Variants in SUPT3H observed in about 807,000 individuals in gnomAD.
The protein encoded by SUPT3H is SPT3 homolog, SAGA and STAGA complex component.
SUPT3H carries 44 observed loss-of-function variants against 44.3 expected under a neutral mutation model. The observed-to-expected ratio is 0.99, with a 90% CI of 0.78 to 1.28. The LOEUF (loss-of-function observed/expected upper bound fraction) is 1.28. Ranked by LOEUF, SUPT3H falls within the 50% of genes most tolerant of loss-of-function variation. SUPT3H has a pLI of 0.00. For missense variants in SUPT3H, 380 were observed against 387.1 expected (o/e 0.98, Z 0.15); for synonymous variants, 124 against 125.6 (o/e 0.99, Z 0.09).
chr6:45,280,534 A>G (rs947370508), intron 2 of SUPT3H, among the ~76,000 whole-genome samples: 1 of 152,142 alleles, frequency 6.6e-6, no homozygotes, highest in Non-Finnish European at 1.5e-5. Flanking sequence ...ATAGATACAG[A>G]ACCACATTTT....
At chr6:45,157,519 C>G (rs1021058145) in intron 2 of SUPT3H, among the ~76,000 whole-genome samples, 1 of 151,126 alleles carries the variant, frequency 6.6e-6, no homozygotes, top group Non-Finnish European at 1.5e-5. Context: ...ATATATGATG[C>G]CTATGTTTTA....
At chr6:44,880,734 C>G (rs1263129038) in intron 10 of SUPT3H, among the ~76,000 whole-genome samples, 1 of 152,152 alleles carries the variant, frequency 6.6e-6, no homozygotes, top group Non-Finnish European at 1.5e-5. Context: ...GATCTCTCTG[C>G]AGAAACCCTA....
chr6:45,351,011 G>A (rs1048644895), intron 2 of SUPT3H, among the ~76,000 whole-genome samples: 25 of 152,036 alleles, frequency 1.6e-4, no homozygotes, highest in African/African-American at 6.0e-4. Context: ...TCTAAGTTCT[G>A]CGCTCCTTAT....
chr6:45,041,479 G>T (rs562505641), intron 3 of SUPT3H, among the ~76,000 whole-genome samples: 2 of 152,288 alleles, frequency 1.3e-5, no homozygotes, highest in Non-Finnish European at 2.9e-5. Context: ...TGACAATGGT[G>T]AAAGAGAAAT....
At chr6:44,937,795 G>C (rs145286019) in intron 9 of SUPT3H, among the ~76,000 whole-genome samples, 2,697 of 149,852 alleles carry the variant, frequency 0.018, 52 homozygotes, top group South Asian at 0.092. Context: ...TTTTGTTGTT[G>C]TTGTTTAGCT....
At chr6:45,212,701 G>T (rs1764331404) in intron 2 of SUPT3H, among the ~76,000 whole-genome samples, 1 of 151,928 alleles carries the variant, frequency 6.6e-6, no homozygotes, top group Non-Finnish European at 1.5e-5. Flanking sequence ...CTGTCTTCAG[G>T]GCTGACAATT....
Position 45,349,492 on chromosome 6 carries a change from T to C in SUPT3H, c.101+15709A>G, listed in dbSNP as rs78162301. ...AACATCAACATCACCTGGGAATTTATTTGAAAGGCAAATTGCTGAGTTCAC... is the reference window on the plus strand; with the variant it reads ...AACATCAACATCACCTGGGAATTTACTTGAAAGGCAAATTGCTGAGTTCAC... On this transcript the variant is annotated intron_variant, in intron 2 of 10. Coordinates refer to ENST00000371459, the MANE Select transcript of SUPT3H (RefSeq NM_003599.4). Among the ~76,000 whole-genome samples, 4 of 152,320 alleles carry C rather than the reference T, an allele frequency of 2.6e-5. No homozygotes were observed. In the East Asian group the frequency reaches 7.7e-4, roughly 29 times the overall value.
At chr6:44,968,356 T>C (rs1033772197) in intron 6 of SUPT3H, among the ~76,000 whole-genome samples, 1 of 152,162 alleles carries the variant, frequency 6.6e-6, no homozygotes, top group Non-Finnish European at 1.5e-5. Context: ...TGCAGAAGGA[T>C]AATATTAACA....
intron 2 of SUPT3H, among the ~76,000 whole-genome samples, chr6:45,288,595 ATGTGTATATATATATATG>A (rs1562882938): frequency 0.011 from 669 of 63,202 alleles, 31 homozygotes; most frequent in African/African-American, 0.023. Context: ...ATATATATAT[ATGTGTATATATATATATG>A]TATATATATA....
intron 6 of SUPT3H, among the ~76,000 whole-genome samples, chr6:44,972,231 A>C (rs1170150282): frequency 6.6e-6 from 1 of 152,178 alleles, no homozygotes; most frequent in Non-Finnish European, 1.5e-5. Flanking sequence ...GCATTGGGTA[A>C]ACATACCCAT....
At chr6:44,925,479 C>T (rs1769378256) in intron 10 of SUPT3H, among the ~76,000 whole-genome samples, 2 of 152,174 alleles carry the variant, frequency 1.3e-5, no homozygotes, top group African/African-American at 4.8e-5. Context: ...CTGTGAATAT[C>T]AGGAGAAACT....
chr6:45,307,145 G>T (rs554332823), intron 2 of SUPT3H, among the ~76,000 whole-genome samples: 1 of 152,206 alleles, frequency 6.6e-6, no homozygotes, highest in South Asian at 2.1e-4. Context: ...TGGAGCCCAC[G>T]GCAGCTCAAG....
intron 10 of SUPT3H, among the ~76,000 whole-genome samples, chr6:44,886,432 C>T (rs28890489): frequency 3.0e-4 from 45 of 152,144 alleles, no homozygotes; most frequent in Non-Finnish European, 6.2e-4. Flanking sequence ...CCAGAAACTC[C>T]ACAAGCCAGA....
chr6:45,306,279 G>A (rs899586683), intron 2 of SUPT3H, among the ~76,000 whole-genome samples: 2 of 152,150 alleles, frequency 1.3e-5, no homozygotes, highest in Non-Finnish European at 2.9e-5. Flanking sequence ...TCCCTGTTAG[G>A]AGTAAAAGAG....
At chr6:44,870,802 G>T (rs565040162) in intron 10 of SUPT3H, among the ~76,000 whole-genome samples, 1 of 150,974 alleles carries the variant, frequency 6.6e-6, no homozygotes, top group African/African-American at 2.4e-5. Flanking sequence ...CACCCTGCGC[G>T]AGCTGAAGCA....
chr6:45,277,463 G>T (rs1171670579), intron 2 of SUPT3H, among the ~76,000 whole-genome samples: 1 of 152,048 alleles, frequency 6.6e-6, no homozygotes, highest in Non-Finnish European at 1.5e-5. Flanking sequence ...ACAATCAGTG[G>T]GATGGATACA....
chr6:45,077,625 T>TTAAAAAAAAAA lies in SUPT3H; in HGVS notation c.186+28296_186+28297insTTTTTTTTTTA, dbSNP rs1795172893. Among the ~76,000 whole-genome samples, 2 of 1,124 alleles carry TTAAAAAAAAAA rather than the reference T, an allele frequency of 1.8e-3. 1 individual carries two copies. Among genetic ancestry groups the TTAAAAAAAAAA allele is most frequent in the Non-Finnish European group, 3.3e-3 (2 of 604 alleles). The allele number at this position is 1,124 out of a possible 152,430, so 0.7% of individuals were successfully genotyped here. A position where few individuals can be genotyped will look rare whatever the true frequency, so the allele number is the denominator to read the frequency against. ...CTAGGTGACAGAGTGAGACCTTGTT[T>TTAAAAAAAAAA]CAAAAAAAAAAAAAAAAGAAAAGAA... On this transcript the variant is annotated intron_variant, in intron 3 of 10. Transcript: ENST00000371459.
rs141335840 is a variant in SUPT3H, at chr6:45,172,593, ATTTT to A, written c.102-66591_102-66588del. Among the ~76,000 whole-genome samples the A allele has an allele frequency of 2.2e-3, 324 of 145,976 alleles. 2 individuals carry two copies. Among genetic ancestry groups the A allele is most frequent in the African/African-American group, 4.4e-3 (175 of 39,544 alleles). ...AAAATAAATCCTTAAAGATAGATAT[ATTTT>A]TTTTTTTTTTTTTGAAATGGAGTCT... On this transcript the variant is annotated intron_variant, in intron 2 of 10. Coordinates refer to ENST00000371459, the MANE Select transcript of SUPT3H (RefSeq NM_003599.4).
chr6:44,811,901 C>T (rs1387853165), intron 11 of SUPT3H, among the ~76,000 whole-genome samples: 1 of 150,524 alleles, frequency 6.6e-6, no homozygotes, highest in African/African-American at 2.4e-5. Context: ...CCTTCCTATG[C>T]TTTCACTTTC....
Sources: gnomAD v4.1 joint callset for allele counts (sites outside exome capture counted in the v4.1 genomes callset) on GRCh38, gnomAD v4.1.1 for gene constraint, MANE v1.5 for transcripts, NCBI Gene and HGNC (gene_info 2026-07-23, HGNC 2026-07-21) for gene names.